The following URB1 variants were observed in gnomAD, a reference collection of about 807,000 sequenced individuals.
URB1 encodes URB1 ribosome biogenesis factor.
Under a neutral mutation model 242.3 loss-of-function variants are expected in URB1, and 197 were observed. The ratio of observed to expected loss-of-function variants is 0.81; its 90% CI spans 0.72 to 0.91. The LOEUF (loss-of-function observed/expected upper bound fraction) is 0.91, where lower values mean the gene tolerates loss of function less well. Among genes scored for constraint, URB1 ranks in the 40% least tolerant of loss-of-function variants. The probability of loss-of-function intolerance (pLI) is 0.00; values close to 1 mark genes in which losing one functional copy is unlikely to be tolerated. For missense variants in URB1, 2,721 were observed against 2,860.5 expected (o/e 0.95, Z 1.11); for synonymous variants, 1,153 against 1,201.8 (o/e 0.96, Z 0.84).
intron 36 of URB1, among the ~76,000 whole-genome samples, 159 bp downstream of exon 36, chr21:32,319,058 A>G (rs1176751579): frequency 6.6e-6 from 1 of 152,216 alleles, no homozygotes. Flanking sequence ...TTCTGACACT[A>G]CCTACACCTG....
At position 32,350,693 on chromosome 21, in the gene URB1, G is replaced by A. The variant is rs996716053; in HGVS notation, c.2832+11C>T. The A allele has an allele frequency of 3.2e-6, 5 of 1,550,114 alleles. No homozygotes were observed. In the African/African-American group the frequency reaches 4.1e-5, roughly 13 times the overall value. The stretch of plus-strand genomic sequence containing the variant: ...GCTCTGAAGCCTGTGGAGGATGGGG[G>A]CAACGCTGACCTGGCCGAAGTTCTC... On this transcript the variant is annotated intron_variant, in intron 20 of 38. Coordinates refer to ENST00000382751, the MANE Select transcript of URB1 (RefSeq NM_014825.3).
intron 1 of URB1, among the ~76,000 whole-genome samples, chr21:32,391,499 T>C (rs956347338): frequency 6.6e-6 from 1 of 152,136 alleles, no homozygotes. Flanking sequence ...CTTGAAACTG[T>C]ATGTATGTGA....
Position 32,316,526 on chromosome 21 carries a change from G to A in URB1, c.6574C>T (p.His2192Tyr), listed in dbSNP as rs1196218756. 6.5e-7 allele frequency: 1 copy of A among 1,549,970 alleles called. No homozygotes were observed. The change falls in exon 38 of 39, where the codon CAC becomes TAC. Residue 2192 changes from histidine to tyrosine, a missense_variant. By Grantham distance (83) the His-to-Tyr change is moderately conservative (BLOSUM62 2). Coordinates refer to ENST00000382751, the MANE Select transcript of URB1 (RefSeq NM_014825.3). ...AAQGRAGSPFHPAMEALSLSS... is the reference protein window; with the variant it reads ...AAQGRAGSPFYPAMEALSLSS... ...AGGGAGAGGGCTTCCATGGCCGGGT[G>A]GAAGGGGCTCCCTGCCCGGCCCTGG...
intron 38 of URB1, among the ~76,000 whole-genome samples, chr21:32,316,018 T>G (rs777946826): frequency 6.6e-6 from 1 of 152,264 alleles, no homozygotes; most frequent in East Asian, 1.9e-4. Flanking sequence ...AAACTGTTCA[T>G]GTGCGCATTT....
chr21:32,352,202 C>A (rs2033165842), intron 19 of URB1, among the ~76,000 whole-genome samples: 1 of 152,160 alleles, frequency 6.6e-6, no homozygotes, highest in Admixed American at 6.5e-5. Context: ...AAATACCCTG[C>A]ACATTGGAGC....
rs1261081479 is a variant in URB1 at position 32,319,293 on chromosome 21, C to T, written c.5716G>A (p.Glu1906Lys). ...TGCAGGGCAAGCCGCTTGGCAGGCT[C>T]CTGGGAGCTAGGCTGGCAAAGGCGC... ...SQRLCQPSSQEPAKRLALHLV... is the reference protein window; with the variant it reads ...SQRLCQPSSQKPAKRLALHLV... Residue 1906 changes from glutamate to lysine, a missense_variant, in exon 36 of 39, where the codon GAG (glutamate) becomes AAG (lysine). Glu to Lys is a moderately conservative substitution (Grantham distance 56, BLOSUM62 1). Transcript: ENST00000382751. 6.4e-7 allele frequency: 1 copy of T among 1,551,298 alleles called. No homozygotes were observed.
At chr21:32,328,313 T>C (rs538232794) in intron 30 of URB1, among the ~76,000 whole-genome samples, 1 of 152,314 alleles carries the variant, frequency 6.6e-6, no homozygotes, top group South Asian at 2.1e-4. Context: ...AATTTTCTTA[T>C]TTTTAGTAGA....
chr21:32,352,943 C>G, intron 18 of URB1, 37 bp from the exon 19 acceptor site: 1 of 1,503,182 alleles, frequency 6.7e-7, no homozygotes, highest in East Asian at 2.5e-5. Context: ...AAGAGGCTGG[C>G]TGGGCCCACC....
chr21:32,327,242 C>G (rs2032840402), intron 30 of URB1, among the ~76,000 whole-genome samples: 1 of 152,042 alleles, frequency 6.6e-6, no homozygotes, highest in South Asian at 2.1e-4. Context: ...TTAAGAGCAG[C>G]CACATGACAT....
At position 32,368,255 on chromosome 21, in the gene URB1, G is replaced by A. The variant is rs1309708028; in HGVS notation, c.1197+148C>T. The A allele has an allele frequency of 5.1e-6, 3 of 588,526 alleles. No individual in the cohort carries two copies. In the Admixed American group the frequency reaches 1.1e-4, roughly 21 times the overall value. 36.5% of individuals were successfully genotyped at this position (588,526 alleles called of 1,614,324 possible). ...GTTAATTTTTGTATTTTTAGTAAGA[G>A]ACAGGTTTCGTCACGTTGGCCAGGC... On this transcript the variant is annotated intron_variant, in intron 9 of 38. Transcript: ENST00000382751.
intron 26 of URB1, among the ~76,000 whole-genome samples, chr21:32,337,829 G>A (rs1216719854): frequency 2.0e-5 from 3 of 151,692 alleles, no homozygotes; most frequent in Non-Finnish European, 2.9e-5. Flanking sequence ...AGCCCCCCAC[G>A]TGTTTTTCAA....
intron 8 of URB1, among the ~76,000 whole-genome samples, chr21:32,370,008 GA>G (rs1310927757): frequency 6.7e-6 from 1 of 148,562 alleles, no homozygotes; most frequent in Non-Finnish European, 1.5e-5. Flanking sequence ...TAAGAAGCAG[GA>G]AAGTCTGCAG....
In URB1 at chr21:32,359,838, G is replaced by A; in HGVS notation, c.1827C>T (p.Ala609=). ...PILQHHMLKV[A]LELPASKFLW... Reference sequence around the variant, plus strand: ...GAAACTTGCTGGCCGGCAGCTCCAGGGCCACCTTCAGCATGTGGTGCTGCA... The same window carrying A: ...GAAACTTGCTGGCCGGCAGCTCCAGAGCCACCTTCAGCATGTGGTGCTGCA... Residue 609 remains alanine, a synonymous_variant, in exon 14 of 39, where the codon GCC becomes GCT. Coordinates refer to ENST00000382751, the MANE Select transcript of URB1 (RefSeq NM_014825.3). 1 of 1,547,524 alleles carries A rather than the reference G, an allele frequency of 6.5e-7. No homozygotes were observed. Among genetic ancestry groups the A allele is most frequent in the South Asian group, 1.2e-5 (1 of 83,320 alleles).
In URB1 at chr21:32,392,880, C is replaced by A. The variant is rs1314363479; in HGVS notation, c.31G>T (p.Gly11Cys). The A allele has an allele frequency of 5.9e-6, 9 of 1,530,510 alleles. No individual in the cohort carries two copies. The South Asian group carries it at 8.4e-5, about 14-fold the overall frequency. 94.8% of individuals were successfully genotyped at this position (1,530,510 alleles called of 1,614,324 possible). MGVPKRKASGGQDGAASSAGA... is the reference protein window; with the variant it reads MGVPKRKASGCQDGAASSAGA... ...GCGGAGGAAGCCGCGCCGTCCTGGC[C>A]GCCCGAGGCCTTCCTCTTGGGGACC... Residue 11 changes from glycine to cysteine, a missense_variant, in exon 1 of 39, where the codon GGC (glycine) becomes TGC (cysteine). Physicochemically the swap from Gly to Cys is radical, Grantham distance 159. Transcript: ENST00000382751.
At position 32,352,923 on chromosome 21, in the gene URB1, T is replaced by C. The variant is rs1392580211; in HGVS notation, c.2417-17A>G. On this transcript the variant is annotated splice_polypyrimidine_tract_variant and intron_variant, in intron 18 of 38. Coordinates refer to ENST00000382751, the MANE Select transcript of URB1 (RefSeq NM_014825.3). ...CGTTTTCCGCTGCAAAGGAACGAGA[T>C]GCATATGGGAAGAGGCTGGCTGGGC... is the stretch of plus-strand genomic sequence containing the variant. 2.0e-6 allele frequency: 3 copies of C among 1,527,270 alleles called. No homozygotes were observed. Among genetic ancestry groups the C allele is most frequent in the East Asian group, 2.5e-5 (1 of 40,708 alleles). The allele number at this position is 1,527,270 out of a possible 1,614,324, so 94.6% of individuals were successfully genotyped here.
chr21:32,344,265 T>C (rs193022367), intron 24 of URB1, among the ~76,000 whole-genome samples: 1 of 152,242 alleles, frequency 6.6e-6, no homozygotes, highest in South Asian at 2.1e-4. Context: ...ATTCAAAAAT[T>C]TGTTAATATA....
intron 26 of URB1, among the ~76,000 whole-genome samples, chr21:32,337,815 G>A (rs983578704): frequency 8.6e-5 from 13 of 151,686 alleles, no homozygotes; most frequent in African/African-American, 1.5e-4. Flanking sequence ...GAGCCACCGC[G>A]CCCAGCCCCC....
chr21:32,338,016 G>A (rs1350321466), intron 26 of URB1, among the ~76,000 whole-genome samples: 4 of 152,274 alleles, frequency 2.6e-5, no homozygotes, highest in East Asian at 1.9e-4. Context: ...ATTGAATGGT[G>A]GAGCCCTTTT....
chr21:32,328,059 G>C (rs565246580), intron 30 of URB1, among the ~76,000 whole-genome samples: 1 of 152,298 alleles, frequency 6.6e-6, no homozygotes, highest in African/African-American at 2.4e-5. Context: ...TCAAGACATA[G>C]ACTAAAAGTG....
Sources: allele counts gnomAD v4.1 joint callset (sites outside exome capture counted in the v4.1 genomes callset), GRCh38; gene constraint gnomAD v4.1.1; transcripts MANE v1.5; gene names NCBI Gene and HGNC (gene_info 2026-07-23, HGNC 2026-07-21).